Variants in KCNIP4 observed in about 807,000 individuals in gnomAD.
KCNIP4 encodes potassium voltage-gated channel interacting protein 4.
Under a neutral mutation model 34.0 loss-of-function variants are expected in KCNIP4, and 12 were observed. The ratio of observed to expected loss-of-function variants is 0.35; its 90% CI spans 0.23 to 0.57. The LOEUF is 0.57. Ranked by LOEUF, KCNIP4 falls within the 20% of genes least tolerant of loss-of-function variation. KCNIP4 has a pLI of 0.83. For missense variants in KCNIP4, 238 were observed against 311.7 expected, an observed-to-expected ratio of 0.76 and a Z score of 1.78; for synonymous variants, 124 against 102.2, an observed-to-expected ratio of 1.21 and a Z score of -1.29.
At chr4:20,931,378 A>C (rs1345450015) in intron 1 of KCNIP4, among the ~76,000 whole-genome samples, 1 of 152,066 alleles carries the variant, frequency 6.6e-6, no homozygotes. Flanking sequence ...GTTCCGAAAA[A>C]CGCAACATCA....
chr4:20,772,579 A>C (rs1755998102), intron 3 of KCNIP4, among the ~76,000 whole-genome samples: 1 of 152,052 alleles, frequency 6.6e-6, no homozygotes, highest in South Asian at 2.1e-4. Flanking sequence ...GACAGGTCAG[A>C]TTCAGCTCTA....
intron 1 of KCNIP4, among the ~76,000 whole-genome samples, chr4:21,089,804 A>T (rs1302482904): frequency 1.3e-5 from 2 of 151,964 alleles, no homozygotes; most frequent in East Asian, 3.9e-4. Flanking sequence ...GCTTCTTTAC[A>T]TTTCAACCAG....
At chr4:21,934,646 C>A (rs1217719889) in intron 1 of KCNIP4, among the ~76,000 whole-genome samples, 1 of 152,056 alleles carries the variant, frequency 6.6e-6, no homozygotes, top group African/African-American at 2.4e-5. Context: ...CCCAGTCCTC[C>A]CAGAATGATT....
intron 1 of KCNIP4, among the ~76,000 whole-genome samples, chr4:21,578,363 T>TCC (rs1740924289): frequency 7.2e-6 from 1 of 138,006 alleles, no homozygotes; most frequent in African/African-American, 2.9e-5. Flanking sequence ...AAAAAAGAGT[T>TCC]CATGCTAGCT....
chr4:20,779,144 A>C (rs1756626512), intron 3 of KCNIP4, among the ~76,000 whole-genome samples: 1 of 152,204 alleles, frequency 6.6e-6, no homozygotes, highest in African/African-American at 2.4e-5. Context: ...AACAGGTGCC[A>C]GCTATACACT....
intron 1 of KCNIP4, among the ~76,000 whole-genome samples, chr4:21,807,366 T>C (rs1370900341): frequency 1.3e-5 from 2 of 152,184 alleles, no homozygotes; most frequent in East Asian, 1.9e-4. Flanking sequence ...TCTGGTAATT[T>C]ACACATCTCC....
intron 1 of KCNIP4, among the ~76,000 whole-genome samples, chr4:21,341,775 A>G (rs1229121433): frequency 6.6e-6 from 1 of 152,128 alleles, no homozygotes; most frequent in Non-Finnish European, 1.5e-5. Flanking sequence ...CTTGTTTACA[A>G]ACTACAAATG....
intron 1 of KCNIP4, among the ~76,000 whole-genome samples, chr4:21,031,774 T>C: frequency 6.6e-6 from 1 of 152,204 alleles, no homozygotes; most frequent in Non-Finnish European, 1.5e-5. Context: ...AGTTATGTAG[T>C]CTGGTCCCTC....
chr4:21,383,866 C>T (rs542553804), intron 1 of KCNIP4, among the ~76,000 whole-genome samples: 70 of 152,222 alleles, frequency 4.6e-4, no homozygotes, highest in Admixed American at 9.8e-4. Flanking sequence ...TAAGCAAATA[C>T]ATAGATAAAT....
chr4:21,812,850 C>T (rs563063401), intron 1 of KCNIP4, among the ~76,000 whole-genome samples: 2 of 152,264 alleles, frequency 1.3e-5, no homozygotes, highest in African/African-American at 4.8e-5. Context: ...CCAGGATAAG[C>T]TTTTCCACAG....
intron 1 of KCNIP4, among the ~76,000 whole-genome samples, chr4:21,763,959 A>T (rs974992198): frequency 6.6e-6 from 1 of 152,282 alleles, no homozygotes; most frequent in Admixed American, 6.6e-5. Flanking sequence ...AATGGGTTTC[A>T]GTGCCAGGAA....
chr4:20,922,164 C>G (rs1422773750), intron 1 of KCNIP4, among the ~76,000 whole-genome samples: 2 of 152,152 alleles, frequency 1.3e-5, no homozygotes, highest in Non-Finnish European at 2.9e-5. Flanking sequence ...GTCAACTTGA[C>G]TGGCCTAAGA....
At chr4:21,225,086 A>G (rs748537808) in intron 1 of KCNIP4, among the ~76,000 whole-genome samples, 21 of 152,186 alleles carry the variant, frequency 1.4e-4, no homozygotes, top group Non-Finnish European at 2.5e-4. Flanking sequence ...CTGGTAAGCA[A>G]AGTGCATTAA....
At position 20,968,370 on chromosome 4, in the gene KCNIP4, G is replaced by A. The variant is rs189548993; in HGVS notation, c.62-85661C>T. 1.8e-3 allele frequency among the ~76,000 whole-genome samples: 269 copies of A among 152,212 alleles called. 1 individual carries two copies. Among genetic ancestry groups the A allele is most frequent in the Non-Finnish European group, 3.3e-3 (225 of 68,006 alleles). On this transcript the variant is annotated intron_variant, in intron 1 of 8. Transcript: ENST00000382152. ...CAACCATTGTGGAAGACAATGTGGC[G>A]ATTCCTCAAGGATCTAGAACCAGAA...
chr4:21,521,099 C>T (rs996581797), intron 1 of KCNIP4, among the ~76,000 whole-genome samples: 8 of 152,118 alleles, frequency 5.3e-5, no homozygotes, highest in Non-Finnish European at 8.8e-5. Context: ...TACAACTACA[C>T]CCAGCTTTGA....
chr4:20,791,400 G>C (rs1198163367), intron 3 of KCNIP4, among the ~76,000 whole-genome samples: 1 of 152,026 alleles, frequency 6.6e-6, no homozygotes, highest in African/African-American at 2.4e-5. Flanking sequence ...TAAAATATTT[G>C]TCTTTATTAT....
At chr4:21,732,540 A>C (rs1355968257) in intron 1 of KCNIP4, among the ~76,000 whole-genome samples, 1 of 152,168 alleles carries the variant, frequency 6.6e-6, no homozygotes, top group Non-Finnish European at 1.5e-5. Context: ...GCTGTTTCAA[A>C]GCAGGAAGGA....
At chr4:20,733,808 C>T (rs1748938419) in intron 6 of KCNIP4, among the ~76,000 whole-genome samples, 2 of 152,154 alleles carry the variant, frequency 1.3e-5, no homozygotes, top group African/African-American at 4.8e-5. Flanking sequence ...CTATTCTGGC[C>T]CCAGGTGTCC....
chr4:21,690,125 A>G (rs899726400), intron 1 of KCNIP4, among the ~76,000 whole-genome samples: 1 of 146,188 alleles, frequency 6.8e-6, no homozygotes, highest in African/African-American at 2.5e-5. Context: ...TTATATATAT[A>G]TTTTATATTA....
Sources: gnomAD v4.1 joint callset for allele counts (sites outside exome capture counted in the v4.1 genomes callset) on GRCh38, gnomAD v4.1.1 for gene constraint, MANE v1.5 for transcripts, NCBI Gene and HGNC (gene_info 2026-07-23, HGNC 2026-07-21) for gene names.